Variants in SEMA6D observed in about 807,000 individuals in gnomAD.
SEMA6D encodes semaphorin-6D.
A neutral mutation model predicts 106.6 loss-of-function variants in SEMA6D; 35 were observed. That is an observed-to-expected ratio of 0.33 (90% CI 0.25 to 0.44). The LOEUF is 0.44. Ranked by LOEUF, SEMA6D falls within the 20% of genes least tolerant of loss-of-function variation. SEMA6D has a pLI of 1.00. For missense variants in SEMA6D, 1,185 were observed against 1,345.9 expected, an observed-to-expected ratio of 0.88 and a Z score of 1.87; for synonymous variants, 499 against 487.7, an observed-to-expected ratio of 1.02 and a Z score of -0.31.
At chr15:47,705,920 C>A (rs1567002087) in intron 4 of SEMA6D, among the ~76,000 whole-genome samples, 2 of 152,246 alleles carry the variant, frequency 1.3e-5, no homozygotes, top group South Asian at 4.1e-4. Context: ...CCTGCTTCTT[C>A]TCCAGAATGA....
At chr15:47,345,481 G>A (rs1026953913) in intron 1 of SEMA6D, among the ~76,000 whole-genome samples, 1 of 152,082 alleles carries the variant, frequency 6.6e-6, no homozygotes, top group East Asian at 1.9e-4. Flanking sequence ...AACAAATGGT[G>A]CTGGAATAAA....
intron 1 of SEMA6D, among the ~76,000 whole-genome samples, chr15:47,223,220 C>T (rs1157939905): frequency 6.6e-6 from 1 of 152,086 alleles, no homozygotes; most frequent in Admixed American, 6.6e-5. Context: ...TTTGATTTTT[C>T]TGGTCCCATC....
chr15:47,286,806 T>C (rs992738160), intron 1 of SEMA6D, among the ~76,000 whole-genome samples: 1 of 152,184 alleles, frequency 6.6e-6, no homozygotes, highest in Non-Finnish European at 1.5e-5. Flanking sequence ...GCTATCTTTT[T>C]TGTCATCTAA....
chr15:47,475,176 G>A (rs1224552448), intron 3 of SEMA6D, among the ~76,000 whole-genome samples: 1 of 152,062 alleles, frequency 6.6e-6, no homozygotes, highest in East Asian at 1.9e-4. Context: ...AAAAAAGAAA[G>A]CGCTCTCATT....
intron 1 of SEMA6D, among the ~76,000 whole-genome samples, chr15:47,301,448 A>G (rs1473665594): frequency 3.9e-5 from 6 of 152,194 alleles, no homozygotes; most frequent in Admixed American, 3.3e-4. Flanking sequence ...CTTGAGGCTC[A>G]TCAGAAATGG....
chr15:47,671,480 A>G (rs1233244613), intron 4 of SEMA6D, among the ~76,000 whole-genome samples: 1 of 152,200 alleles, frequency 6.6e-6, no homozygotes, highest in Non-Finnish European at 1.5e-5. Context: ...TTAGACAAAC[A>G]TCAGACAAAG....
intron 3 of SEMA6D, among the ~76,000 whole-genome samples, chr15:47,517,563 A>G (rs986560741): frequency 6.6e-6 from 1 of 152,080 alleles, no homozygotes. Context: ...AAAAACAAAG[A>G]TGTCATTTTT....
intron 13 of SEMA6D, 137 bp from the exon 14 acceptor site, chr15:47,765,732 A>T (rs1234221174): frequency 2.6e-6 from 2 of 779,016 alleles, no homozygotes; most frequent in Non-Finnish European, 3.6e-6. Context: ...TCACATAATT[A>T]TTATTTCCCA....
At position 47,546,456 on chromosome 15, in the gene SEMA6D, G is replaced by A. The variant is rs114628609; in HGVS notation, c.-86-54409G>A. 3.9e-3 allele frequency among the ~76,000 whole-genome samples: 590 copies of A among 152,034 alleles called. 7 individuals are homozygous for A. The highest frequency in any genetic ancestry group is 0.014 in the African/African-American group (561 of 41,466). ...TTAATAAAATCTAGCCAATTAACCC[G>A]CACTGGACATATGTAGGTATATATG... On this transcript the variant is annotated intron_variant, in intron 3 of 19. Transcript: ENST00000558014.
chr15:47,455,518 A>G (rs563246028), intron 2 of SEMA6D, among the ~76,000 whole-genome samples: 4 of 151,984 alleles, frequency 2.6e-5, no homozygotes, highest in East Asian at 3.9e-4. Flanking sequence ...TTCCATTGAT[A>G]CCTTCTCTGT....
chr15:47,751,332 A>G (rs771746911), intron 1 of SEMA6D, among the ~76,000 whole-genome samples: 18 of 152,208 alleles, frequency 1.2e-4, no homozygotes, highest in Non-Finnish European at 1.8e-4. Flanking sequence ...GCTCCAAGGT[A>G]TAGCAATCAA....
chr15:47,357,312 C>T (rs148848764), intron 1 of SEMA6D, among the ~76,000 whole-genome samples: 2,479 of 151,770 alleles, frequency 0.016, 46 homozygotes, highest in African/African-American at 0.044. Context: ...CCATCCTGGG[C>T]GACAGCAAGA....
At chr15:47,641,248 TATC>T (rs3050578) in intron 4 of SEMA6D, among the ~76,000 whole-genome samples, 86,819 of 151,702 alleles carry the variant, frequency 0.57, 25,124 homozygotes, top group South Asian at 0.71. Context: ...CGTCTAGAAA[TATC>T]ATGGCTTTAA....
At chr15:47,642,999 GGA>G (rs914888885) in intron 4 of SEMA6D, among the ~76,000 whole-genome samples, 5 of 151,564 alleles carry the variant, frequency 3.3e-5, no homozygotes, top group South Asian at 2.1e-4. Flanking sequence ...ATGGAAATAG[GGA>G]GAGAGAGAGA....
chr15:47,569,415 T>C (rs962139462), intron 3 of SEMA6D, among the ~76,000 whole-genome samples: 1 of 152,162 alleles, frequency 6.6e-6, no homozygotes, highest in African/African-American at 2.4e-5. Flanking sequence ...ATGGTCATTA[T>C]TGATATGCTA....
intron 3 of SEMA6D, among the ~76,000 whole-genome samples, chr15:47,477,351 C>T (rs549552054): frequency 3.9e-5 from 6 of 152,228 alleles, no homozygotes; most frequent in Admixed American, 2.0e-4. Flanking sequence ...TCATTTTAGA[C>T]ACATTAAAAA....
At chr15:47,474,836 T>C (rs1424398332) in intron 3 of SEMA6D, among the ~76,000 whole-genome samples, 1 of 152,222 alleles carries the variant, frequency 6.6e-6, no homozygotes, top group Non-Finnish European at 1.5e-5. Flanking sequence ...GTAATACGAA[T>C]GTCACTTGCA....
chr15:47,759,381 G>A (rs980531716), intron 1 of SEMA6D, among the ~76,000 whole-genome samples: 2 of 152,138 alleles, frequency 1.3e-5, no homozygotes, highest in African/African-American at 2.4e-5. Context: ...AGGACTGGGG[G>A]AAGGGAAGAG....
chr15:47,247,353 A>G (rs1399766000), intron 1 of SEMA6D, among the ~76,000 whole-genome samples: 1 of 152,190 alleles, frequency 6.6e-6, no homozygotes, highest in South Asian at 2.1e-4. Context: ...CATTCTGACA[A>G]TCTAGAAAAA....
Sources: allele counts gnomAD v4.1 joint callset (sites outside exome capture counted in the v4.1 genomes callset), GRCh38; gene constraint gnomAD v4.1.1; transcripts MANE v1.5; gene names NCBI Gene and HGNC (gene_info 2026-07-23, HGNC 2026-07-21).